The following INMT variants were observed in gnomAD, a reference collection of about 807,000 sequenced individuals.
INMT encodes the protein indolethylamine N-methyltransferase, also known as amine N-methyltransferase.
A neutral mutation model predicts 11.5 loss-of-function variants in INMT; 11 were observed. The ratio of observed to expected loss-of-function variants is 0.95; its 90% confidence interval spans 0.60 to 1.58. INMT has a LOEUF of 1.58. Ranked by LOEUF, INMT falls within the 40% of genes most tolerant of loss-of-function variation. The pLI, the probability that INMT is intolerant of heterozygous loss-of-function variation, is 0.00. For synonymous variants in INMT, 155 were observed against 142.9 expected (o/e 1.08, Z -0.60); for missense variants, 316 against 336.1 (o/e 0.94, Z 0.47).
chr7:30,754,492 CATCCATCCATCCATCCACCCATTCAT>C lies in INMT; in HGVS notation c.362+573_362+598del, dbSNP rs1189040445. Among the ~76,000 whole-genome samples the C allele has an allele frequency of 1.3e-5, 2 of 151,828 alleles. No homozygotes were observed. Among genetic ancestry groups the C allele is most frequent in the African/African-American group, 4.8e-5 (2 of 41,312 alleles). Reference sequence around the variant, plus strand: ...ATCCATTCATCCATCCATATCCATCCATCCATCCATCCATCCACCCATTCATATCCATCCATCCATCCACATACATC... The same window carrying C: ...ATCCATTCATCCATCCATATCCATCCATCCATCCATCCATCCACATACATC... On this transcript the variant is annotated intron_variant, in intron 2 of 2. Coordinates refer to ENST00000013222, the MANE Select transcript of INMT (RefSeq NM_006774.5). This position sits in a 1 kb window ranked among gnomAD's most constrained non-coding sequence, Gnocchi z 4.9.
Position 30,756,149 on chromosome 7 carries a change from C to G in INMT, c.*298C>G. 1 of 1,167,058 alleles carries G rather than the reference C, an allele frequency of 8.6e-7. No homozygotes were observed. The highest frequency in any genetic ancestry group is 1.1e-6 in the Non-Finnish European group (1 of 943,854). 72.3% of individuals were successfully genotyped at this position (1,167,058 alleles called of 1,614,324 possible). On this transcript the variant is annotated 3_prime_UTR_variant, in exon 3 of 3. Transcript: ENST00000013222. Reference sequence around the variant, plus strand: ...GCACCCAGGGACGTGGTTTTAGAGTCTACCTAATATGTTAAGGACAAGGAA... The same window carrying G: ...GCACCCAGGGACGTGGTTTTAGAGTGTACCTAATATGTTAAGGACAAGGAA...
rs1171266763 is a variant in INMT at position 30,756,297 on chromosome 7, A to G, written c.*446A>G. On this transcript the variant is annotated 3_prime_UTR_variant, in exon 3 of 3. Coordinates refer to ENST00000013222, the MANE Select transcript of INMT (RefSeq NM_006774.5). ...GTCACCCAGGCTAGAGTGCAATGGC[A>G]CGATCTCGGCTCACTGCAAGCTCTG... 7 of 865,642 alleles carry G rather than the reference A, an allele frequency of 8.1e-6. No individual in the cohort carries two copies. In the South Asian group the frequency reaches 1.6e-4, roughly 19 times the overall value. The allele number at this position is 865,642 out of a possible 1,614,324, so 53.6% of individuals were successfully genotyped here.
At chr7:30,752,780 TCAAC>T (rs1786117547) in intron 1 of INMT, among the ~76,000 whole-genome samples, 1 of 152,168 alleles carries the variant, frequency 6.6e-6, no homozygotes, top group African/African-American at 2.4e-5. Flanking sequence ...AGGTGGGGTC[TCAAC>T]CCTGAGCAAG....
Position 30,755,895 on chromosome 7 carries a change from GGCCATCTGTAT to G in INMT, c.*47_*57del. 1 of 1,569,044 alleles carries G rather than the reference GGCCATCTGTAT, an allele frequency of 6.4e-7. No homozygotes were observed. Among genetic ancestry groups the G allele is most frequent in the Non-Finnish European group, 8.6e-7 (1 of 1,159,398 alleles). On this transcript the variant is annotated 3_prime_UTR_variant, in exon 3 of 3. Coordinates refer to ENST00000013222, the MANE Select transcript of INMT (RefSeq NM_006774.5). The stretch of plus-strand genomic sequence containing the variant: ...AGGTCTGGTCAGGCTGTGAGGCCTT[GGCCATCTGTAT>G]GCTAGAGAGGGGTGAGGAATGGATA...
intron 1 of INMT, 135 bp downstream of exon 1, chr7:30,752,439 T>G: frequency 1.5e-6 from 1 of 657,092 alleles, no homozygotes; most frequent in Non-Finnish European, 2.6e-6. Context: ...TCTGGGGCCC[T>G]GCCCCCTCTC....
intron 2 of INMT, among the ~76,000 whole-genome samples, chr7:30,755,193 CAG>C (rs951190646): frequency 6.6e-6 from 1 of 152,176 alleles, no homozygotes. Context: ...CACATGGAAT[CAG>C]AGAGAGAAAG....
intron 2 of INMT, 140 bp from the exon 3 acceptor site, chr7:30,755,282 C>G: frequency 1.4e-6 from 1 of 707,198 alleles, no homozygotes; most frequent in Non-Finnish European, 2.3e-6. Context: ...GAAGAAGAGC[C>G]TGCTGTCAGG....
chr7:30,752,288 CA>C lies in INMT; in HGVS notation c.140del (p.Lys47ArgfsTer13). The C allele has an allele frequency of 6.2e-7, 1 of 1,613,940 alleles. No homozygotes were observed. The highest frequency in any genetic ancestry group is 1.1e-5 in the South Asian group (1 of 91,076). ...TGAAGTTTAACTTGGAATGTCTCCACAAGACCTTCGGCCCTGGTGAGCAGAG... is the reference window on the plus strand; with the variant it reads ...TGAAGTTTAACTTGGAATGTCTCCACAGACCTTCGGCCCTGGTGAGCAGAG... ...MLKFNLECLH[K>X]TFGPGGLQGD... On this transcript the variant is annotated frameshift_variant, in exon 1 of 3. Coordinates refer to ENST00000013222, the MANE Select transcript of INMT (RefSeq NM_006774.5). LOFTEE classifies it high-confidence loss of function.
At chr7:30,753,043 C>T (rs1407846251) in intron 1 of INMT, among the ~76,000 whole-genome samples, 1 of 152,182 alleles carries the variant, frequency 6.6e-6, no homozygotes, top group Non-Finnish European at 1.5e-5. Context: ...GTGTGGGAGG[C>T]AGAAATCAGA....
chr7:30,755,835 A>G lies in INMT; in HGVS notation c.776A>G (p.Lys259Arg). The G allele has an allele frequency of 6.2e-7, 1 of 1,609,460 alleles. No individual in the cohort carries two copies. The highest frequency in any genetic ancestry group is 8.5e-7 in the Non-Finnish European group (1 of 1,176,902). The change falls in exon 3 of 3, where the codon AAG (lysine) becomes AGG (arginine). Residue 259 changes from lysine to arginine, a missense_variant. Transcript: ENST00000013222. ...NNGVCFIVAR[K>R]KPGP ...GGGGTCTGCTTCATTGTGGCTCGCAAGAAGCCTGGGCCCTGAGCCAGGAGG... is the reference window on the plus strand; with the variant it reads ...GGGGTCTGCTTCATTGTGGCTCGCAGGAAGCCTGGGCCCTGAGCCAGGAGG...
Position 30,756,516 on chromosome 7 carries a change from TC to T in INMT, c.*667del, listed in dbSNP as rs1327594513. 5.3e-5 allele frequency: 8 copies of T among 151,032 alleles called. No homozygotes were observed. Among genetic ancestry groups the T allele is most frequent in the African/African-American group, 1.7e-4 (7 of 41,160 alleles). 9.4% of individuals were successfully genotyped at this position (151,032 alleles called of 1,614,324 possible). On this transcript the variant is annotated 3_prime_UTR_variant, in exon 3 of 3. Transcript: ENST00000013222. ...TCCGCCTCCCGGGTTCACGCCATTC[TC>T]CTGCCTCAGCCTCCCGTGTAGCTGG...
chr7:30,755,885 G>T lies in INMT; in HGVS notation c.*34G>T, dbSNP rs1786231340. 1 of 1,578,930 alleles carries T rather than the reference G, an allele frequency of 6.3e-7. No individual in the cohort carries two copies. Among genetic ancestry groups the T allele is most frequent in the Middle Eastern group, 2.0e-4 (1 of 4,934 alleles). On this transcript the variant is annotated 3_prime_UTR_variant, in exon 3 of 3. Transcript: ENST00000013222. ...GGCCAGCCAGAGGTCTGGTCAGGCTGTGAGGCCTTGGCCATCTGTATGCTA... is the reference window on the plus strand; with the variant it reads ...GGCCAGCCAGAGGTCTGGTCAGGCTTTGAGGCCTTGGCCATCTGTATGCTA...
intron 2 of INMT, 118 bp from the exon 3 acceptor site, chr7:30,755,304 C>A: frequency 1.1e-6 from 1 of 906,850 alleles, no homozygotes; most frequent in East Asian, 2.7e-5. Flanking sequence ...CACACAGGGA[C>A]TCAGGGACAG....
Position 30,755,922 on chromosome 7 carries a change from G to A in INMT, c.*71G>A. 1 of 1,523,328 alleles carries A rather than the reference G, an allele frequency of 6.6e-7. No homozygotes were observed. The highest frequency in any genetic ancestry group is 8.8e-7 in the Non-Finnish European group (1 of 1,140,780). 94.4% of individuals were successfully genotyped at this position (1,523,328 alleles called of 1,614,324 possible). ...CCATCTGTATGCTAGAGAGGGGTGA[G>A]GAATGGATACTGTCTAACAGTCTCT... is the stretch of plus-strand genomic sequence containing the variant. On this transcript the variant is annotated 3_prime_UTR_variant, in exon 3 of 3. Transcript: ENST00000013222.
chr7:30,754,062 C>G lies in INMT; in HGVS notation c.362+124C>G. ...GACCTTCAGGTATAGGACCAGATGT[C>G]CTGTGGTGGGGATAGAGTAGATGGA... On this transcript the variant is annotated intron_variant, in intron 2 of 2. Transcript: ENST00000013222. The surrounding 1 kb of genome is among the most constrained non-coding windows in gnomAD (Gnocchi z 4.9). The G allele has an allele frequency of 1.1e-6, 1 of 940,490 alleles. No individual in the cohort carries two copies. Among genetic ancestry groups the G allele is most frequent in the South Asian group, 1.6e-5 (1 of 61,030 alleles). The allele number at this position is 940,490 out of a possible 1,614,324, so 58.3% of individuals were successfully genotyped here.
At chr7:30,755,332 A>G (rs1786205058) in intron 2 of INMT, 90 bp from the exon 3 acceptor site, 1 of 1,172,062 alleles carries the variant, frequency 8.5e-7, no homozygotes, top group Non-Finnish European at 1.2e-6. Context: ...TTGGGGATCC[A>G]GAGATCATCT....
At chr7:30,753,324 A>C (rs1159321907) in intron 1 of INMT, among the ~76,000 whole-genome samples, 1 of 152,140 alleles carries the variant, frequency 6.6e-6, no homozygotes, top group East Asian at 1.9e-4. Context: ...CTGAAACTTA[A>C]AGGGCCACTG....
rs572757510 is a variant in INMT, at chr7:30,754,791, C to T, written c.363-631C>T. On this transcript the variant is annotated intron_variant, in intron 2 of 2. Transcript: ENST00000013222. The surrounding 1 kb of genome is among the most constrained non-coding windows in gnomAD (Gnocchi z 4.9). The stretch of plus-strand genomic sequence containing the variant: ...ATGTATAATGACGTGAACTCACCAC[C>T]CAACCTGAGTACTCGAATATAATAA... 2.0e-5 allele frequency among the ~76,000 whole-genome samples: 3 copies of T among 152,332 alleles called. No individual in the cohort carries two copies. The highest frequency in any genetic ancestry group is 4.1e-4 in the South Asian group (2 of 4,822).
Position 30,755,783 on chromosome 7 carries a change from T to C in INMT, c.724T>C (p.Tyr242His). ...IEQLLHSPQSYSVTNAANNGV... is the reference protein window; with the variant it reads ...IEQLLHSPQSHSVTNAANNGV... The stretch of plus-strand genomic sequence containing the variant: ...ACAGCTCCTACACAGTCCCCAGAGC[T>C]ACTCTGTCACCAATGCTGCCAACAA... Residue 242 changes from tyrosine (Y) to histidine (H), a missense_variant, in exon 3 of 3, where the codon TAC becomes CAC. Coordinates refer to ENST00000013222, the MANE Select transcript of INMT (RefSeq NM_006774.5). 2.5e-6 allele frequency: 4 copies of C among 1,614,144 alleles called. No individual in the cohort carries two copies. Among genetic ancestry groups the C allele is most frequent in the Non-Finnish European group, 3.4e-6 (4 of 1,179,990 alleles).
Sources: allele counts gnomAD v4.1 joint callset (sites outside exome capture counted in the v4.1 genomes callset), GRCh38; gene constraint gnomAD v4.1.1; non-coding constraint Gnocchi (gnomAD v3.1); transcripts MANE v1.5; gene names NCBI Gene and HGNC (gene_info 2026-07-23, HGNC 2026-07-21).